Variants in CRLF2 observed in about 807,000 individuals in gnomAD.
CRLF2 encodes the protein cytokine receptor-like factor 2.
A neutral mutation model predicts 38.7 loss-of-function variants in CRLF2; 41 were observed. The observed-to-expected ratio is 1.06, with a 90% confidence interval of 0.83 to 1.37. CRLF2 has a LOEUF of 1.37. Among genes scored for constraint, CRLF2 ranks in the 40% most tolerant of loss-of-function variants. CRLF2 has a pLI of 0.00. For synonymous variants in CRLF2, 140 were observed against 128.8 expected (o/e 1.09, Z -0.59); for missense variants, 377 against 322.2 (o/e 1.17, Z -1.30).
At chrX:1,202,115 A>G (rs1399894124) in intron 4 of CRLF2, among the ~76,000 whole-genome samples, 2 of 152,116 alleles carry the variant, frequency 1.3e-5, no homozygotes, top group African/African-American at 4.8e-5. Flanking sequence ...AGAGGTAGAG[A>G]TAAAATAGAA....
chrX:1,210,123 AAAGAAAAGAAAAG>A (rs2086770769), intron 1 of CRLF2, among the ~76,000 whole-genome samples: 1 of 67,938 alleles, frequency 1.5e-5, no homozygotes, highest in Non-Finnish European at 3.1e-5. Context: ...AAAGAAAAGA[AAAGAAAAGAAAAG>A]AAAAGAAAAG....
At chrX:1,191,934 A>G (rs1422405392) in intron 7 of CRLF2, among the ~76,000 whole-genome samples, 175 of 151,800 alleles carry the variant, frequency 1.2e-3, no homozygotes, top group Non-Finnish European at 2.0e-3. Flanking sequence ...AGCCGGCCGC[A>G]GTGGCTTACA....
At chrX:1,194,558 C>T (rs1459604350) in intron 6 of CRLF2, among the ~76,000 whole-genome samples, 1 of 152,118 alleles carries the variant, frequency 6.6e-6, no homozygotes, top group Non-Finnish European at 1.5e-5. Flanking sequence ...ATTATTTCCA[C>T]CTTGTCGATA....
chrX:1,204,150 C>CCGTGTGTGTGTGTGTGTGTG (rs1387456703), intron 3 of CRLF2, among the ~76,000 whole-genome samples: 1 of 124,712 alleles, frequency 8.0e-6, no homozygotes, highest in Non-Finnish European at 1.7e-5. Flanking sequence ...CCAGCTCACT[C>CCGTGTGTGTGTGTGTGTGTG]TGTGTGTGTG....
At chrX:1,202,652 T>C in intron 3 of CRLF2, 117 bp from the exon 4 acceptor site, 1 of 1,194,560 alleles carries the variant, frequency 8.4e-7, no homozygotes, top group Non-Finnish European at 1.2e-6. Flanking sequence ...TTATGGTGTC[T>C]CGGGGTTCAC....
At chrX:1,209,240 T>G (rs2086746490) in intron 1 of CRLF2, among the ~76,000 whole-genome samples, 1 of 151,432 alleles carries the variant, frequency 6.6e-6, no homozygotes, top group Non-Finnish European at 1.5e-5. Context: ...GTACTGGGAT[T>G]ACAGGCGTGA....
intron 1 of CRLF2, among the ~76,000 whole-genome samples, chrX:1,210,264 A>C (rs1287940592): frequency 2.0e-5 from 3 of 152,092 alleles, no homozygotes; most frequent in Non-Finnish European, 2.9e-5. Context: ...CAATGGAAAT[A>C]TTTTAGAATT....
At chrX:1,196,615 C>G (rs2086480119) in intron 6 of CRLF2, among the ~76,000 whole-genome samples, 165 bp downstream of exon 6, 1 of 151,910 alleles carries the variant, frequency 6.6e-6, no homozygotes, top group African/African-American at 2.4e-5. Flanking sequence ...GCCACCATGC[C>G]CAGCCCCTCC....
At chrX:1,198,215 C>A (rs866056309) in intron 5 of CRLF2, among the ~76,000 whole-genome samples, 53 of 21,182 alleles carry the variant, frequency 2.5e-3, no homozygotes, top group Admixed American at 4.7e-3. Flanking sequence ...CCTCCCACCT[C>A]GAAGGCAGGA....
chrX:1,204,992 G>A (rs9697974), intron 3 of CRLF2, among the ~76,000 whole-genome samples: 3 of 147,136 alleles, frequency 2.0e-5, no homozygotes, highest in Admixed American at 6.8e-5. Flanking sequence ...CTAATTTTTT[G>A]TTTGTTTGTT....
intron 3 of CRLF2, among the ~76,000 whole-genome samples, chrX:1,204,292 G>T (rs1205051997): frequency 2.0e-5 from 3 of 151,820 alleles, no homozygotes; most frequent in Non-Finnish European, 4.4e-5. Flanking sequence ...GCAATGGCGC[G>T]ATCTCGGCTC....
chrX:1,206,050 CG>C (rs2086685487), intron 3 of CRLF2, among the ~76,000 whole-genome samples: 1 of 151,670 alleles, frequency 6.6e-6, no homozygotes, highest in Non-Finnish European at 1.5e-5. Flanking sequence ...GATTGCTTTT[CG>C]GTACTTACGG....
In CRLF2 at chrX:1,202,544, A is replaced by G. The variant is rs2086627274; in HGVS notation, c.350-9T>C. 3 of 1,613,556 alleles carry G rather than the reference A, an allele frequency of 1.9e-6. No individual in the cohort carries two copies. Among genetic ancestry groups the G allele is most frequent in the Non-Finnish European group, 2.5e-6 (3 of 1,179,694 alleles). On this transcript the variant is annotated splice_polypyrimidine_tract_variant and intron_variant, in intron 3 of 7. Coordinates refer to ENST00000400841, the MANE Select transcript of CRLF2 (RefSeq NM_022148.4). ...CGGGGAACTGGGTTTCACTGAGAAG[A>G]AGAAATAACGGAAGCGACGTCCCTC... is the stretch of plus-strand genomic sequence containing the variant.
At chrX:1,193,149 G>C (rs1173440152) in intron 7 of CRLF2, 69 bp downstream of exon 7, 8 of 398,202 alleles carry the variant, frequency 2.0e-5, no homozygotes, top group African/African-American at 4.1e-5. Flanking sequence ...CGCTCAGAGA[G>C]ATAGGAATGC....
At chrX:1,192,736 CTTTCTTTCTTTCTTTCTTTCT>C (rs2086412765) in intron 7 of CRLF2, among the ~76,000 whole-genome samples, 1 of 111,852 alleles carries the variant, frequency 8.9e-6, no homozygotes, top group Non-Finnish European at 1.9e-5. Flanking sequence ...TTCTTTCTTT[CTTTCTTTCTTTCTTTCTTTCT>C]TTCTTTCTTT....
intron 7 of CRLF2, among the ~76,000 whole-genome samples, chrX:1,192,037 C>G (rs1344344392): frequency 1.6e-3 from 236 of 145,570 alleles, no homozygotes; most frequent in African/African-American, 5.6e-3. Context: ...AACCCCATCT[C>G]TACGAAAAAT....
rs766414150 is a variant in CRLF2, at chrX:1,198,666, T to G, written c.542A>C (p.Tyr181Ser). Reference sequence around the variant, plus strand: ...AGCCTTCACCCTGACCCAGAAAGAGTAACACTTCTCGGCATCCAAGCCTTC... The same window carrying G: ...AGCCTTCACCCTGACCCAGAAAGAGGAACACTTCTCGGCATCCAAGCCTTC... Reference protein sequence around the residue: ...TIEGLDAEKCYSFWVRVKAME... With the variant: ...TIEGLDAEKCSSFWVRVKAME... The change falls in exon 5 of 8, where the codon TAC becomes TCC. Residue 181 changes from tyrosine to serine, a missense_variant. Physicochemically the swap from Tyr to Ser is moderately radical, Grantham distance 144 (BLOSUM62 -2). Transcript: ENST00000400841. 4 of 1,612,182 alleles carry G rather than the reference T, an allele frequency of 2.5e-6. No individual in the cohort carries two copies. The Admixed American group carries it at 6.7e-5, about 27-fold the overall frequency.
rs148926264 is a variant in CRLF2, at chrX:1,197,481, G to C, written c.647-581C>G. Among the ~76,000 whole-genome samples the C allele has an allele frequency of 9.2e-5, 14 of 152,112 alleles. No homozygotes were observed. The East Asian group carries it at 2.3e-3, about 25-fold the overall frequency. On this transcript the variant is annotated intron_variant, in intron 5 of 7. Transcript: ENST00000400841. ...TTACAGCATATGAGAGCTTGCTTTC[G>C]TGTGTTGGTGGCTGTGCTCCTTAAA... is the stretch of plus-strand genomic sequence containing the variant.
intron 1 of CRLF2, 135 bp downstream of exon 1, chrX:1,212,418 GAAA>G (rs369256719): frequency 1.6e-3 from 668 of 428,402 alleles, no homozygotes; most frequent in Middle Eastern, 2.6e-3. Context: ...CTTGAACCCG[GAAA>G]AAAAAAAAAA....
Sources: gnomAD v4.1 joint callset for allele counts (sites outside exome capture counted in the v4.1 genomes callset) on GRCh38, gnomAD v4.1.1 for gene constraint, MANE v1.5 for transcripts, NCBI Gene and HGNC (gene_info 2026-07-23, HGNC 2026-07-21) for gene names.